The following STAG1 variants were observed in gnomAD, a reference collection of about 807,000 sequenced individuals.
The protein encoded by STAG1 is STAG1 cohesin complex component.
A neutral mutation model predicts 170.9 loss-of-function variants in STAG1; 26 were observed. That is an observed-to-expected ratio of 0.15 (90% CI 0.11 to 0.21). STAG1 has a LOEUF of 0.21. Ranked by LOEUF, STAG1 falls within the 10% of genes least tolerant of loss-of-function variation. The pLI, the probability that STAG1 is intolerant of heterozygous loss-of-function variation, is 1.00. For missense variants in STAG1, 964 were observed against 1,509.5 expected (o/e 0.64, Z 5.99); for synonymous variants, 514 against 497.7 (o/e 1.03, Z -0.44).
At chr3:136,378,750 T>C (rs759881369) in intron 22 of STAG1, among the ~76,000 whole-genome samples, 9 of 152,208 alleles carry the variant, frequency 5.9e-5, no homozygotes, top group African/African-American at 1.2e-4. Context: ...AACATTTACA[T>C]TGATCCTAAG....
chr3:136,352,006 G>A (rs1468832568), intron 28 of STAG1, among the ~76,000 whole-genome samples: 1 of 152,028 alleles, frequency 6.6e-6, no homozygotes, highest in Non-Finnish European at 1.5e-5. Flanking sequence ...GGCTGCACAA[G>A]GCAGAGAAAA....
chr3:136,621,685 T>G (rs2107829161), intron 3 of STAG1, among the ~76,000 whole-genome samples: 1 of 152,306 alleles, frequency 6.6e-6, no homozygotes, highest in South Asian at 2.1e-4. Flanking sequence ...TTCATCTTGT[T>G]TTTTATTTTA....
intron 3 of STAG1, among the ~76,000 whole-genome samples, chr3:136,610,441 C>A (rs773984862): frequency 6.6e-6 from 1 of 152,252 alleles, no homozygotes; most frequent in South Asian, 2.1e-4. Context: ...TTGTGGTATT[C>A]CTGTTTTCCC....
chr3:136,551,818 C>T (rs781116764), intron 5 of STAG1, among the ~76,000 whole-genome samples: 2 of 152,032 alleles, frequency 1.3e-5, no homozygotes, highest in East Asian at 1.9e-4. Context: ...TGGTCTTAAA[C>T]TCCTGGGCTC....
chr3:136,581,694 C>T (rs1937593441), intron 4 of STAG1, among the ~76,000 whole-genome samples: 2 of 152,078 alleles, frequency 1.3e-5, no homozygotes, highest in African/African-American at 4.8e-5. Context: ...ATTATATGGG[C>T]ATCAAGATTT....
At chr3:136,639,363 A>G (rs1255511958) in intron 1 of STAG1, among the ~76,000 whole-genome samples, 1 of 152,088 alleles carries the variant, frequency 6.6e-6, no homozygotes, top group Non-Finnish European at 1.5e-5. Flanking sequence ...GTAAATTATT[A>G]TGATTTTTAA....
intron 1 of STAG1, among the ~76,000 whole-genome samples, chr3:136,636,851 G>C (rs1940581619): frequency 6.6e-6 from 1 of 152,186 alleles, no homozygotes; most frequent in Non-Finnish European, 1.5e-5. Flanking sequence ...TATCCCAGCA[G>C]CTCAGGGAGC....
intron 1 of STAG1, among the ~76,000 whole-genome samples, chr3:136,701,842 G>A (rs1943071136): frequency 6.6e-6 from 1 of 152,046 alleles, no homozygotes; most frequent in African/African-American, 2.4e-5. Flanking sequence ...GCTTCAACAG[G>A]ATACAGACTA....
At chr3:136,683,669 C>T (rs1007882492) in intron 1 of STAG1, among the ~76,000 whole-genome samples, 1 of 151,838 alleles carries the variant, frequency 6.6e-6, no homozygotes, top group Non-Finnish European at 1.5e-5. Context: ...CTCACCTTTT[C>T]GACAATGTAA....
At chr3:136,391,781 G>T (rs555886195) in intron 22 of STAG1, among the ~76,000 whole-genome samples, 21 of 152,270 alleles carry the variant, frequency 1.4e-4, no homozygotes, top group African/African-American at 5.1e-4. Context: ...AAAAATGAAG[G>T]TTACTTCCAC....
intron 12 of STAG1, among the ~76,000 whole-genome samples, chr3:136,465,565 A>C: frequency 6.9e-6 from 1 of 145,174 alleles, no homozygotes; most frequent in Non-Finnish European, 1.5e-5. Context: ...CCTCAAAAAA[A>C]AAAAAAAAAA....
intron 6 of STAG1, among the ~76,000 whole-genome samples, chr3:136,538,550 T>A (rs1017722375): frequency 6.6e-6 from 1 of 151,966 alleles, no homozygotes; most frequent in Admixed American, 6.5e-5. Context: ...ACTCCAGTAA[T>A]TGAAATTACA....
chr3:136,671,887 A>G (rs75540552), intron 1 of STAG1, among the ~76,000 whole-genome samples: 1 of 152,350 alleles, frequency 6.6e-6, no homozygotes, highest in African/African-American at 2.4e-5. Context: ...AAGAAAAAAA[A>G]GAGAAAGAAA....
Position 136,337,895 on chromosome 3 carries a change from T to TA in STAG1, c.*358dup, listed in dbSNP as rs1325621757. ...ATAAAGTTAAAAATATGTTTTTTTT[T>TA]ACTCAATGTTGAGTTTTCATAAAAC... On this transcript the variant is annotated 3_prime_UTR_variant, in exon 34 of 34. Coordinates refer to ENST00000383202, the MANE Select transcript of STAG1 (RefSeq NM_005862.3). 1.1e-5 allele frequency: 2 copies of TA among 188,736 alleles called. No homozygotes were observed. The highest frequency in any genetic ancestry group is 4.6e-5 in the African/African-American group (2 of 43,196). 11.7% of individuals were successfully genotyped at this position (188,736 alleles called of 1,614,324 possible).
chr3:136,614,479 A>G (rs181967515), intron 3 of STAG1, among the ~76,000 whole-genome samples: 45 of 152,326 alleles, frequency 3.0e-4, no homozygotes, highest in African/African-American at 1.1e-3. Flanking sequence ...AATACCTGAA[A>G]GAAAGCCTGC....
intron 6 of STAG1, among the ~76,000 whole-genome samples, chr3:136,530,048 T>C (rs1935291573): frequency 6.6e-6 from 1 of 151,998 alleles, no homozygotes; most frequent in Admixed American, 6.6e-5. Context: ...GACAAAGATA[T>C]TCCACACAAA....
rs191742141 is a variant in STAG1 at position 136,680,740 on chromosome 3, T to C, written c.-83-49759A>G. Among the ~76,000 whole-genome samples the C allele has an allele frequency of 1.7e-3, 265 of 151,476 alleles. 1 individual carries two copies. The highest frequency in any genetic ancestry group is 5.6e-3 in the African/African-American group (230 of 41,412). ...AAGATAAAGAAACCTAAAGTAACCATTGAATAACACAAAAAAATTATAACT... is the reference window on the plus strand; with the variant it reads ...AAGATAAAGAAACCTAAAGTAACCACTGAATAACACAAAAAAATTATAACT... On this transcript the variant is annotated intron_variant, in intron 1 of 33. Coordinates refer to ENST00000383202, the MANE Select transcript of STAG1 (RefSeq NM_005862.3).
Position 136,477,417 on chromosome 3 carries a change from A to G in STAG1, c.903-5T>C. 1 of 1,595,542 alleles carries G rather than the reference A, an allele frequency of 6.3e-7. No homozygotes were observed. Among genetic ancestry groups the G allele is most frequent in the Non-Finnish European group, 8.5e-7 (1 of 1,174,288 alleles). On this transcript the variant is annotated splice_region_variant and splice_polypyrimidine_tract_variant and intron_variant, in intron 9 of 33. Transcript: ENST00000383202. ...CTAATCTCAGCAATAGCATCACTAGAGAGAGAAAAAAAAGACAATCTCAAA... is the reference window on the plus strand; with the variant it reads ...CTAATCTCAGCAATAGCATCACTAGGGAGAGAAAAAAAAGACAATCTCAAA...
chr3:136,432,973 G>A (rs945469609), intron 16 of STAG1, among the ~76,000 whole-genome samples: 4 of 151,966 alleles, frequency 2.6e-5, no homozygotes, highest in Non-Finnish European at 5.9e-5. Flanking sequence ...ATTTCCCAAT[G>A]TGTGTTTTTT....
Sources: allele counts gnomAD v4.1 joint callset (sites outside exome capture counted in the v4.1 genomes callset), GRCh38; gene constraint gnomAD v4.1.1; transcripts MANE v1.5; gene names NCBI Gene and HGNC (gene_info 2026-07-23, HGNC 2026-07-21).